The following GRM8 variants were observed in gnomAD, a reference collection of about 807,000 sequenced individuals.
The protein encoded by GRM8 is glutamate metabotropic receptor 8, also known as metabotropic glutamate receptor 8.
A neutral mutation model predicts 87.2 loss-of-function variants in GRM8; 47 were observed. The ratio of observed to expected loss-of-function variants is 0.54; its 90% confidence interval spans 0.43 to 0.69. The LOEUF is 0.69. GRM8 is among the 30% of genes least tolerant of loss of function. The pLI is 0.00. For missense variants in GRM8, 1,019 were observed against 1,139.2 expected (o/e 0.89, Z 1.52); for synonymous variants, 396 against 404.5 (o/e 0.98, Z 0.25).
chr7:126,613,324 G>A (rs907382914), intron 7 of GRM8, among the ~76,000 whole-genome samples: 1 of 152,074 alleles, frequency 6.6e-6, no homozygotes, highest in African/African-American at 2.4e-5. Flanking sequence ...AATGACAAAT[G>A]TCTGTTAATA....
At chr7:126,899,412 T>C (rs1801853565) in intron 6 of GRM8, among the ~76,000 whole-genome samples, 1 of 152,196 alleles carries the variant, frequency 6.6e-6, no homozygotes, top group South Asian at 2.1e-4. Context: ...CCCTACTCCA[T>C]GCCTTTGTCC....
chr7:127,058,117 T>A (rs772546104), intron 3 of GRM8: 3 of 517,374 alleles, frequency 5.8e-6, no homozygotes. Context: ...TGATGTTGCG[T>A]CACCACGTGA....
intron 2 of GRM8, among the ~76,000 whole-genome samples, chr7:127,234,473 C>T (rs981947877): frequency 1.3e-5 from 2 of 152,150 alleles, no homozygotes; most frequent in Non-Finnish European, 2.9e-5. Context: ...CCAATATGAA[C>T]AGAAATCCAA....
intron 3 of GRM8, among the ~76,000 whole-genome samples, chr7:126,932,329 A>G (rs1390655253): frequency 6.6e-6 from 1 of 152,222 alleles, no homozygotes; most frequent in Non-Finnish European, 1.5e-5. Flanking sequence ...AAGGTCAATC[A>G]ATGATTAAAT....
intron 8 of GRM8, among the ~76,000 whole-genome samples, chr7:126,604,069 T>C (rs1563001498): frequency 1.3e-5 from 2 of 151,996 alleles, no homozygotes; most frequent in African/African-American, 4.8e-5. Context: ...GAATTTTCCC[T>C]TTTTTTAATC....
At chr7:127,030,278 T>C (rs1817230480) in intron 3 of GRM8, among the ~76,000 whole-genome samples, 1 of 145,810 alleles carries the variant, frequency 6.9e-6, no homozygotes, top group African/African-American at 2.6e-5. Flanking sequence ...AGCTCAGCTC[T>C]GAAAAAGCAC....
At chr7:126,762,900 A>G (rs1246506161) in intron 7 of GRM8, among the ~76,000 whole-genome samples, 1 of 152,006 alleles carries the variant, frequency 6.6e-6, no homozygotes. Context: ...GTAACTATAA[A>G]TGTTTAAGTC....
chr7:126,924,320 G>T (rs570465859), intron 3 of GRM8, among the ~76,000 whole-genome samples: 3 of 152,160 alleles, frequency 2.0e-5, no homozygotes, highest in Non-Finnish European at 4.4e-5. Flanking sequence ...TAAATCTCAC[G>T]GATTTCAAAC....
At chr7:126,998,450 T>C (rs895263759) in intron 3 of GRM8, among the ~76,000 whole-genome samples, 1 of 151,682 alleles carries the variant, frequency 6.6e-6, no homozygotes, top group Non-Finnish European at 1.5e-5. Context: ...AAGAAATACA[T>C]GGTGTCCAAA....
chr7:126,462,984 G>A, intron 9 of GRM8, among the ~76,000 whole-genome samples: 1 of 151,532 alleles, frequency 6.6e-6, no homozygotes, highest in South Asian at 2.1e-4. Flanking sequence ...TTGTTTCTGG[G>A]GAGTGCCTGG....
chr7:126,751,785 T>C (rs116908256), intron 7 of GRM8, among the ~76,000 whole-genome samples: 286 of 152,270 alleles, frequency 1.9e-3, no homozygotes, highest in Non-Finnish European at 2.5e-3. Flanking sequence ...GGGCCTAATT[T>C]TGAGTTGAAC....
At chr7:126,633,157 T>A (rs1460595996) in intron 7 of GRM8, among the ~76,000 whole-genome samples, 1 of 152,068 alleles carries the variant, frequency 6.6e-6, no homozygotes, top group Non-Finnish European at 1.5e-5. Flanking sequence ...TATATGCAAA[T>A]TTTAGCAGAT....
At chr7:126,586,859 A>G (rs1796185044) in intron 8 of GRM8, among the ~76,000 whole-genome samples, 1 of 152,192 alleles carries the variant, frequency 6.6e-6, no homozygotes, top group South Asian at 2.1e-4. Flanking sequence ...GGGCTTCTGC[A>G]CAGCAAAAGA....
At chr7:127,138,745 ACT>A (rs1339842490) in intron 2 of GRM8, among the ~76,000 whole-genome samples, 1 of 152,218 alleles carries the variant, frequency 6.6e-6, no homozygotes, top group Non-Finnish European at 1.5e-5. Context: ...AGATAAAACA[ACT>A]CTCTTTAGTG....
chr7:127,066,896 T>C (rs1586903041), intron 3 of GRM8, among the ~76,000 whole-genome samples: 1 of 152,220 alleles, frequency 6.6e-6, no homozygotes, highest in South Asian at 2.1e-4. Context: ...TGGTGCTTAA[T>C]GTTTTGTTCT....
At chr7:126,958,254 A>G (rs974898184) in intron 3 of GRM8, among the ~76,000 whole-genome samples, 1 of 152,272 alleles carries the variant, frequency 6.6e-6, no homozygotes, top group Admixed American at 6.5e-5. Context: ...AAAGAGCTGT[A>G]CCACAGACAG....
intron 6 of GRM8, among the ~76,000 whole-genome samples, chr7:126,823,238 T>TAGCC (rs1481820850): frequency 3.3e-5 from 5 of 152,238 alleles, no homozygotes; most frequent in Non-Finnish European, 4.4e-5. Context: ...AATAAACATA[T>TAGCC]AGCCGTAGCT....
At chr7:127,029,971 A>G (rs1817197243) in intron 3 of GRM8, among the ~76,000 whole-genome samples, 1 of 152,096 alleles carries the variant, frequency 6.6e-6, no homozygotes, top group South Asian at 2.1e-4. Context: ...ATCAACACTC[A>G]AAAGATTCTT....
intron 3 of GRM8, among the ~76,000 whole-genome samples, chr7:126,937,719 C>T (rs1308763559): frequency 1.3e-5 from 2 of 152,220 alleles, no homozygotes; most frequent in African/African-American, 4.8e-5. Flanking sequence ...TGCTGTTTGC[C>T]TCCTCCTCTT....
Sources: gnomAD v4.1 joint callset for allele counts (sites outside exome capture counted in the v4.1 genomes callset) on GRCh38, gnomAD v4.1.1 for gene constraint, MANE v1.5 for transcripts, NCBI Gene and HGNC (gene_info 2026-07-23, HGNC 2026-07-21) for gene names.